DPP6: variants seen among roughly 807,000 people sequenced by gnomAD.
DPP6 encodes the protein A-type potassium channel modulatory protein DPP6.
DPP6 carries 69 observed loss-of-function variants against 122.6 expected under a neutral mutation model. The ratio of observed to expected loss-of-function variants is 0.56; its 90% confidence interval spans 0.46 to 0.69. The LOEUF is 0.69. DPP6 is among the 30% of genes least tolerant of loss of function. DPP6 has a pLI of 0.00. For synonymous variants in DPP6, 418 were observed against 433.1 expected (o/e 0.97, Z 0.43); for missense variants, 928 against 1,116.9 (o/e 0.83, Z 2.41).
chr7:154,347,687 G>C (rs567346168), intron 1 of DPP6, among the ~76,000 whole-genome samples: 1 of 152,332 alleles, frequency 6.6e-6, no homozygotes, highest in South Asian at 2.1e-4. Flanking sequence ...ACTGAGGGCA[G>C]CATTAGAAGA....
chr7:154,892,443 T>C lies in DPP6; in HGVS notation c.2561T>C (p.Leu854Pro), dbSNP rs3734960. 0.29 allele frequency: 466,831 copies of C among 1,613,834 alleles called. 71,694 individuals carry two copies. The highest frequency in any genetic ancestry group is 0.5 in the African/African-American group (37,748 of 74,968). The change falls in exon 26 of 26, where the codon CTG (leucine) becomes CCG (proline). Residue 854 changes from leucine (L) to proline (P), a missense_variant. Physicochemically the swap from Leu to Pro is moderately conservative, Grantham distance 98 (BLOSUM62 -3). Transcript: ENST00000377770. ...VECFRIQDKL[L>P]TVTAKEDEEE... ...TGCTTCAGGATCCAGGACAAACTGC[T>C]GACAGTCACAGCGAAAGAGGACGAG...
intron 1 of DPP6, among the ~76,000 whole-genome samples, chr7:154,227,865 T>C (rs1717323386): frequency 6.6e-6 from 1 of 152,202 alleles, no homozygotes; most frequent in African/African-American, 2.4e-5. Context: ...TGTCAGGAAT[T>C]GCCCTATGCC....
chr7:154,245,809 A>G (rs1455542730), intron 1 of DPP6, among the ~76,000 whole-genome samples: 3 of 152,182 alleles, frequency 2.0e-5, no homozygotes, highest in African/African-American at 7.2e-5. Flanking sequence ...CCTGAAGTAA[A>G]AAACTGACAG....
intron 1 of DPP6, among the ~76,000 whole-genome samples, chr7:154,115,147 C>T (rs1806887833): frequency 2.0e-5 from 3 of 152,210 alleles, no homozygotes; most frequent in African/African-American, 7.2e-5. Flanking sequence ...GCCCTTGGAA[C>T]AGTGCTGCAG....
intron 16 of DPP6, among the ~76,000 whole-genome samples, chr7:154,840,348 T>C (rs1390549421): frequency 1.3e-5 from 2 of 152,152 alleles, no homozygotes; most frequent in Non-Finnish European, 2.9e-5. Flanking sequence ...AAGAGGAGGA[T>C]GGGCAGCAAC....
chr7:153,934,506 A>G (rs1240375684), intron 1 of DPP6, among the ~76,000 whole-genome samples: 1 of 152,180 alleles, frequency 6.6e-6, no homozygotes, highest in Non-Finnish European at 1.5e-5. Context: ...CAATATAAGC[A>G]TAACTTCTGG....
At chr7:154,322,682 T>C (rs10278563) in intron 1 of DPP6, among the ~76,000 whole-genome samples, 23,643 of 151,984 alleles carry the variant, frequency 0.16, 2,733 homozygotes, top group African/African-American at 0.32. Context: ...CTCTAGCAAA[T>C]CTCTTAATTC....
At chr7:153,981,494 C>A (rs1796583172) in intron 1 of DPP6, among the ~76,000 whole-genome samples, 1 of 152,168 alleles carries the variant, frequency 6.6e-6, no homozygotes, top group African/African-American at 2.4e-5. Context: ...GACTCTTTAT[C>A]CAATTTGCCA....
At chr7:153,912,698 T>A (rs1484884645) in intron 1 of DPP6, among the ~76,000 whole-genome samples, 1 of 152,204 alleles carries the variant, frequency 6.6e-6, no homozygotes, top group East Asian at 1.9e-4. Flanking sequence ...CAGTATTCTC[T>A]AAGGAGTTGC....
At chr7:153,771,133 T>C in the DPP6 span, among the ~76,000 whole-genome samples, 1 of 152,128 alleles carries the variant, frequency 6.6e-6, no homozygotes, top group Non-Finnish European at 1.5e-5. Flanking sequence ...AGTTCAAGAA[T>C]ACTCTATAAA....
intron 1 of DPP6, among the ~76,000 whole-genome samples, chr7:154,080,686 G>A (rs985096270): frequency 5.9e-5 from 9 of 152,294 alleles, no homozygotes; most frequent in South Asian, 2.1e-4. Flanking sequence ...GGAACACAAG[G>A]TAAACCTCAC....
Position 154,716,500 on chromosome 7 carries a change from C to T in DPP6, c.763-11267C>T, listed in dbSNP as rs182049834. On this transcript the variant is annotated intron_variant, in intron 7 of 25. Transcript: ENST00000377770. ...ATGCACACCGAATGAATTCTCCAGGCCCCTCCTCTAAAGCGTTCCTTCTTC... is the reference window on the plus strand; with the variant it reads ...ATGCACACCGAATGAATTCTCCAGGTCCCTCCTCTAAAGCGTTCCTTCTTC... Among the ~76,000 whole-genome samples, 172 of 152,316 alleles carry T rather than the reference C, an allele frequency of 1.1e-3. 1 individual carries two copies. Among genetic ancestry groups the T allele is most frequent in the African/African-American group, 4.0e-3 (165 of 41,580 alleles).
intron 12 of DPP6, among the ~76,000 whole-genome samples, chr7:154,800,456 C>T (rs572057685): frequency 9.0e-4 from 137 of 152,238 alleles, no homozygotes; most frequent in Non-Finnish European, 1.7e-3. Flanking sequence ...AACTTTCAAA[C>T]TTGGGCTTCA....
intron 1 of DPP6, among the ~76,000 whole-genome samples, chr7:154,124,806 T>G (rs1807759033): frequency 6.6e-6 from 1 of 152,176 alleles, no homozygotes; most frequent in South Asian, 2.1e-4. Flanking sequence ...ATCCGTGAGA[T>G]GCCCAAGTGG....
At chr7:154,610,780 A>G in intron 5 of DPP6, among the ~76,000 whole-genome samples, 1 of 150,738 alleles carries the variant, frequency 6.6e-6, no homozygotes, top group South Asian at 2.1e-4. Flanking sequence ...TCATCTGGAA[A>G]ATTCTCTTAT....
chr7:154,723,015 C>A (rs1301854864), intron 7 of DPP6, among the ~76,000 whole-genome samples: 1 of 152,098 alleles, frequency 6.6e-6, no homozygotes, highest in Non-Finnish European at 1.5e-5. Context: ...AATCCCAGCA[C>A]TTTGGGAGGC....
intron 1 of DPP6, among the ~76,000 whole-genome samples, chr7:153,924,923 C>T (rs1306675237): frequency 6.6e-6 from 1 of 152,192 alleles, no homozygotes; most frequent in Non-Finnish European, 1.5e-5. Context: ...TGTTGCGCAG[C>T]AGTCAAGAAA....
intron 1 of DPP6, among the ~76,000 whole-genome samples, chr7:154,286,836 C>T (rs1336488830): frequency 4.0e-5 from 6 of 150,512 alleles, no homozygotes; most frequent in African/African-American, 7.3e-5. Context: ...GAGACAGTCT[C>T]ACTCTGTCAC....
intron 1 of DPP6, among the ~76,000 whole-genome samples, chr7:154,054,999 G>A (rs1284901733): frequency 6.6e-6 from 1 of 151,804 alleles, no homozygotes; most frequent in African/African-American, 2.4e-5. Context: ...ATAAACACAG[G>A]TGTCCTGAGA....
Sources: gnomAD v4.1 joint callset for allele counts (sites outside exome capture counted in the v4.1 genomes callset) on GRCh38, gnomAD v4.1.1 for gene constraint, MANE v1.5 for transcripts, NCBI Gene and HGNC (gene_info 2026-07-23, HGNC 2026-07-21) for gene names.